Variants in AMPH observed in about 807,000 individuals in gnomAD.
AMPH encodes amphiphysin.
In AMPH, 49 loss-of-function variants were observed where a neutral mutation model predicts 99.1. The observed-to-expected ratio is 0.49, with a 90% CI of 0.39 to 0.63. The LOEUF (loss-of-function observed/expected upper bound fraction) is 0.63. AMPH is among the 20% of genes least tolerant of loss of function. AMPH has a pLI of 0.00. For synonymous variants in AMPH, 314 were observed against 317.3 expected, an observed-to-expected ratio of 0.99 and a Z score of 0.11; for missense variants, 759 against 863.4, an observed-to-expected ratio of 0.88 and a Z score of 1.52.
chr7:38,440,382 A>G (rs763669228), intron 11 of AMPH, among the ~76,000 whole-genome samples: 1 of 152,210 alleles, frequency 6.6e-6, no homozygotes, highest in Non-Finnish European at 1.5e-5. Flanking sequence ...CAGAAAGAAT[A>G]CATCACCCTC....
intron 1 of AMPH, among the ~76,000 whole-genome samples, chr7:38,609,499 C>T (rs1793551341): frequency 6.6e-6 from 1 of 152,102 alleles, no homozygotes; most frequent in South Asian, 2.1e-4. Flanking sequence ...CTGAGGACAT[C>T]CCAGGAATTC....
At chr7:38,618,469 G>A (rs929102878) in intron 1 of AMPH, among the ~76,000 whole-genome samples, 10 of 152,010 alleles carry the variant, frequency 6.6e-5, no homozygotes, top group Non-Finnish European at 1.3e-4. Flanking sequence ...CCGAGATCAT[G>A]CCACTGCACT....
chr7:38,583,842 A>G (rs1245628789), intron 1 of AMPH, among the ~76,000 whole-genome samples: 1 of 152,244 alleles, frequency 6.6e-6, no homozygotes, highest in African/African-American at 2.4e-5. Context: ...ACCAAGTCCT[A>G]TAATCTTCCT....
chr7:38,421,969 T>C (rs1785595190), intron 16 of AMPH, among the ~76,000 whole-genome samples: 1 of 152,200 alleles, frequency 6.6e-6, no homozygotes, highest in South Asian at 2.1e-4. Context: ...TGGTATCAAA[T>C]TAGGAATCAC....
intron 1 of AMPH, among the ~76,000 whole-genome samples, chr7:38,578,166 G>A (rs993178810): frequency 1.8e-4 from 28 of 152,238 alleles, no homozygotes; most frequent in Non-Finnish European, 3.4e-4. Context: ...CAGAAAGAAA[G>A]ACATCAAGAA....
At chr7:38,478,685 T>C (rs549690195) in intron 5 of AMPH, among the ~76,000 whole-genome samples, 2 of 152,240 alleles carry the variant, frequency 1.3e-5, no homozygotes, top group African/African-American at 4.8e-5. Flanking sequence ...TGACTACGAC[T>C]AATATGTTAA....
chr7:38,490,954 C>T (rs1316578600), intron 5 of AMPH, 96 bp downstream of exon 5: 1 of 729,330 alleles, frequency 1.4e-6, no homozygotes, highest in Admixed American at 2.5e-5. Flanking sequence ...TCTTTGATGT[C>T]AGTTTGAGGA....
intron 2 of AMPH, among the ~76,000 whole-genome samples, chr7:38,510,250 C>G (rs1262717106): frequency 2.0e-5 from 3 of 152,090 alleles, no homozygotes; most frequent in Admixed American, 2.0e-4. Context: ...TGTGTGCGTG[C>G]GTCCCTGTTG....
chr7:38,511,237 G>T (rs746784088), intron 2 of AMPH, among the ~76,000 whole-genome samples: 1 of 152,156 alleles, frequency 6.6e-6, no homozygotes, highest in Non-Finnish European at 1.5e-5. Flanking sequence ...TATGCAAAGG[G>T]TAGGTGTTTC....
At chr7:38,485,939 C>T (rs1788473461) in intron 5 of AMPH, among the ~76,000 whole-genome samples, 1 of 151,856 alleles carries the variant, frequency 6.6e-6, no homozygotes, top group African/African-American at 2.4e-5. Flanking sequence ...AAAACTAAAA[C>T]AAGTAGCAGA....
intron 1 of AMPH, among the ~76,000 whole-genome samples, chr7:38,557,701 G>A (rs1184027834): frequency 2.0e-5 from 3 of 152,052 alleles, no homozygotes; most frequent in Non-Finnish European, 1.5e-5. Context: ...TGGAGATAAC[G>A]GCTGTGAACA....
At chr7:38,512,997 A>C (rs997211137) in intron 2 of AMPH, among the ~76,000 whole-genome samples, 15 of 152,192 alleles carry the variant, frequency 9.9e-5, no homozygotes, top group African/African-American at 3.1e-4. Context: ...AATAAATAGA[A>C]AGACTATAGA....
intron 2 of AMPH, among the ~76,000 whole-genome samples, chr7:38,522,847 C>T (rs1477297463): frequency 2.6e-5 from 4 of 152,138 alleles, no homozygotes; most frequent in Non-Finnish European, 4.4e-5. Context: ...TGGTGGCTCA[C>T]GCCTGTAATC....
At chr7:38,414,603 C>T (rs1056676470) in intron 17 of AMPH, among the ~76,000 whole-genome samples, 1 of 152,098 alleles carries the variant, frequency 6.6e-6, no homozygotes, top group African/African-American at 2.4e-5. Context: ...GCTCTGTGCT[C>T]ATCTTTACCT....
intron 1 of AMPH, among the ~76,000 whole-genome samples, chr7:38,591,118 C>T (rs572132070): frequency 5.3e-5 from 8 of 152,194 alleles, no homozygotes; most frequent in Middle Eastern, 3.4e-3. Context: ...TATCATAGGG[C>T]TAGGTTACCA....
At chr7:38,600,157 C>T (rs1257902279) in intron 1 of AMPH, among the ~76,000 whole-genome samples, 2 of 152,088 alleles carry the variant, frequency 1.3e-5, no homozygotes, top group Non-Finnish European at 2.9e-5. Context: ...ACTTTAAATG[C>T]ATTTATTTTA....
chr7:38,584,301 C>T (rs1006794851), intron 1 of AMPH, among the ~76,000 whole-genome samples: 3 of 152,118 alleles, frequency 2.0e-5, no homozygotes, highest in African/African-American at 7.2e-5. Context: ...ACATTTCCTA[C>T]CCACACCTAG....
intron 1 of AMPH, among the ~76,000 whole-genome samples, chr7:38,544,811 G>T (rs1056981184): frequency 1.3e-5 from 2 of 152,138 alleles, no homozygotes; most frequent in African/African-American, 4.8e-5. Context: ...TTTAATGAGG[G>T]TTTATTCTTT....
intron 14 of AMPH, chr7:38,429,432 T>C (rs1162483047): frequency 7.7e-7 from 1 of 1,295,200 alleles, no homozygotes; most frequent in Admixed American, 2.3e-5. Context: ...GGTAACTTCT[T>C]GGCTGACCCT....
Sources: gnomAD v4.1 joint callset for allele counts (sites outside exome capture counted in the v4.1 genomes callset) on GRCh38, gnomAD v4.1.1 for gene constraint, MANE v1.5 for transcripts, NCBI Gene and HGNC (gene_info 2026-07-23, HGNC 2026-07-21) for gene names.